Variants in AGBL4 observed in about 807,000 individuals in gnomAD.
The protein encoded by AGBL4 is cytosolic carboxypeptidase 6.
A neutral mutation model predicts 66.4 loss-of-function variants in AGBL4; 58 were observed. That is an observed-to-expected ratio of 0.87 (90% confidence interval 0.71 to 1.09). AGBL4 has a LOEUF of 1.09. Ranked by LOEUF, AGBL4 falls within the 50% of genes least tolerant of loss-of-function variation. The pLI, the probability that AGBL4 is intolerant of heterozygous loss-of-function variation, is 0.00. For synonymous variants in AGBL4, 234 were observed against 222.9 expected, an observed-to-expected ratio of 1.05 and a Z score of -0.44; for missense variants, 579 against 631.0, an observed-to-expected ratio of 0.92 and a Z score of 0.88.
At chr1:48,897,791 C>T (rs989524537) in intron 5 of AGBL4, among the ~76,000 whole-genome samples, 2 of 145,418 alleles carry the variant, frequency 1.4e-5, no homozygotes, top group African/African-American at 5.0e-5. Context: ...AATGTCTGTT[C>T]GGATCTTTTG....
chr1:48,841,569 C>G (rs547034108), intron 6 of AGBL4, among the ~76,000 whole-genome samples: 10 of 152,126 alleles, frequency 6.6e-5, no homozygotes, highest in African/African-American at 9.6e-5. Flanking sequence ...TCCAACCCCC[C>G]ACCTTATTTT....
At chr1:48,526,515 G>C in the AGBL4 span, among the ~76,000 whole-genome samples, 1 of 152,206 alleles carries the variant, frequency 6.6e-6, no homozygotes, top group Non-Finnish European at 1.5e-5. Flanking sequence ...AACAGTAGCA[G>C]CTGCAGCGGC....
chr1:49,248,376 T>C (rs1377256249), intron 3 of AGBL4, among the ~76,000 whole-genome samples: 4 of 152,212 alleles, frequency 2.6e-5, no homozygotes, highest in African/African-American at 4.8e-5. Context: ...TATTCTGATA[T>C]TGATGCATTA....
chr1:48,627,162 A>G (rs1343517163), intron 9 of AGBL4, among the ~76,000 whole-genome samples: 1 of 152,102 alleles, frequency 6.6e-6, no homozygotes, highest in Non-Finnish European at 1.5e-5. Context: ...AGGAGTTGCC[A>G]TCCGAGGGCC....
At chr1:48,873,266 C>T (rs977797524) in intron 5 of AGBL4, among the ~76,000 whole-genome samples, 4 of 152,192 alleles carry the variant, frequency 2.6e-5, no homozygotes. Context: ...CCAAATTTGC[C>T]GTGCTTTCGT....
intron 2 of AGBL4, among the ~76,000 whole-genome samples, chr1:49,814,680 C>T (rs753191001): frequency 4.6e-5 from 7 of 152,090 alleles, no homozygotes; most frequent in Non-Finnish European, 1.0e-4. Flanking sequence ...TCCCATCTCA[C>T]ATGTACCCCT....
At chr1:49,143,197 C>T (rs1006246075) in intron 4 of AGBL4, among the ~76,000 whole-genome samples, 3 of 152,122 alleles carry the variant, frequency 2.0e-5, no homozygotes, top group Admixed American at 6.6e-5. Context: ...AAGGAGAAGC[C>T]ATACTGAACT....
intron 9 of AGBL4, among the ~76,000 whole-genome samples, chr1:48,602,392 C>T (rs1645086203): frequency 6.6e-6 from 1 of 152,156 alleles, no homozygotes; most frequent in Admixed American, 6.5e-5. Context: ...ATCTCATCTT[C>T]CTGCTTTGCA....
At chr1:48,555,301 C>T (rs577071076) in intron 11 of AGBL4, among the ~76,000 whole-genome samples, 4 of 151,980 alleles carry the variant, frequency 2.6e-5, no homozygotes, top group South Asian at 2.1e-4. Flanking sequence ...TTGCATACAA[C>T]GACAAACTCT....
chr1:48,812,842 C>T (rs1646084395), intron 6 of AGBL4, among the ~76,000 whole-genome samples: 1 of 151,930 alleles, frequency 6.6e-6, no homozygotes, highest in Admixed American at 6.6e-5. Flanking sequence ...CCATCATTCT[C>T]AGCAAACTAT....
intron 3 of AGBL4, among the ~76,000 whole-genome samples, chr1:49,318,386 A>AGAT (rs3052048): frequency 0.15 from 22,623 of 148,694 alleles, 1,805 homozygotes; most frequent in African/African-American, 0.19. Context: ...ATTTAAATGC[A>AGAT]GATGATGATG....
intron 5 of AGBL4, among the ~76,000 whole-genome samples, chr1:48,881,883 G>C (rs1649823250): frequency 6.6e-6 from 1 of 152,192 alleles, no homozygotes; most frequent in South Asian, 2.1e-4. Context: ...CTCACCCTCA[G>C]AGAAAGCTAG....
At chr1:49,963,082 T>C (rs373034969) in intron 1 of AGBL4, among the ~76,000 whole-genome samples, 10 of 152,274 alleles carry the variant, frequency 6.6e-5, no homozygotes, top group African/African-American at 2.4e-4. Flanking sequence ...TGAATATACA[T>C]ATATTTCCCA....
At chr1:48,689,400 C>T (rs1481446763) in intron 6 of AGBL4, among the ~76,000 whole-genome samples, 1 of 148,938 alleles carries the variant, frequency 6.7e-6, no homozygotes, top group Non-Finnish European at 1.5e-5. Context: ...TACCTACCTA[C>T]CTACCTTCCT....
intron 3 of AGBL4, among the ~76,000 whole-genome samples, chr1:49,518,315 C>T (rs1025903428): frequency 3.9e-5 from 6 of 152,014 alleles, no homozygotes; most frequent in Admixed American, 2.0e-4. Context: ...TTCCCATGGG[C>T]GGTTTCTCCT....
At chr1:49,894,394 A>G (rs12022125) in intron 1 of AGBL4, among the ~76,000 whole-genome samples, 64,261 of 151,918 alleles carry the variant, frequency 0.42, 16,095 homozygotes, top group Non-Finnish European at 0.57. Flanking sequence ...CTAGGGATCA[A>G]TTCTGAAGAA....
intron 1 of AGBL4, among the ~76,000 whole-genome samples, chr1:49,900,708 A>C (rs1649682771): frequency 6.6e-6 from 1 of 152,224 alleles, no homozygotes; most frequent in Admixed American, 6.5e-5. Context: ...CAGGAGGCCA[A>C]AAGCTTATGT....
chr1:48,828,215 G>A (rs1646474127), intron 6 of AGBL4, among the ~76,000 whole-genome samples: 1 of 151,446 alleles, frequency 6.6e-6, no homozygotes, highest in Admixed American at 6.6e-5. Flanking sequence ...AAAAGAAAAT[G>A]GGGTTCAAAT....
intron 2 of AGBL4, among the ~76,000 whole-genome samples, chr1:49,735,198 T>C (rs1465463194): frequency 6.6e-6 from 1 of 151,888 alleles, no homozygotes; most frequent in Non-Finnish European, 1.5e-5. Context: ...GCAGGTGTGA[T>C]TACAGTAAGA....
Sources: gnomAD v4.1 joint callset for allele counts (sites outside exome capture counted in the v4.1 genomes callset) on GRCh38, gnomAD v4.1.1 for gene constraint, MANE v1.5 for transcripts, NCBI Gene and HGNC (gene_info 2026-07-23, HGNC 2026-07-21) for gene names.